KLHL6: variants seen among roughly 807,000 people sequenced by gnomAD.
KLHL6 encodes kelch like family member 6.
KLHL6 carries 41 observed loss-of-function variants against 58.6 expected under a neutral mutation model. That is an observed-to-expected ratio of 0.70 (90% CI 0.55 to 0.91). The LOEUF (loss-of-function observed/expected upper bound fraction) is 0.91, where lower values mean the gene tolerates loss of function less well. KLHL6 is among the 40% of genes least tolerant of loss of function. The pLI is 0.00. For synonymous variants in KLHL6, 338 were observed against 322.7 expected, an observed-to-expected ratio of 1.05 and a Z score of -0.51; for missense variants, 714 against 805.6, an observed-to-expected ratio of 0.89 and a Z score of 1.38.
At chr3:183,532,123 T>C (rs946497354) in intron 1 of KLHL6, among the ~76,000 whole-genome samples, 2 of 152,178 alleles carry the variant, frequency 1.3e-5, no homozygotes, top group African/African-American at 4.8e-5. Context: ...GAGATAAGAT[T>C]TTTAGGAAGT....
chr3:183,499,774 G>A lies in KLHL6; in HGVS notation c.963C>T (p.Phe321=). 4 of 1,608,574 alleles carry A rather than the reference G, an allele frequency of 2.5e-6. No individual in the cohort carries two copies. Among genetic ancestry groups the A allele is most frequent in the Non-Finnish European group, 3.4e-6 (4 of 1,177,662 alleles). ...CCTTCGTGCAGCCGCCAATGATCAT[G>A]AACACCTCAGACTGGAACTCATGCA... is the stretch of plus-strand genomic sequence containing the variant. The part of the protein sequence containing the change: ...PRMHEFQSEV[F]MIIGGCTKDE... Residue 321 remains phenylalanine, a synonymous_variant, in exon 4 of 7, where the codon TTC becomes TTT. Transcript: ENST00000341319. This position sits in a 1 kb window ranked among gnomAD's most constrained non-coding sequence, Gnocchi z 4.6.
intron 3 of KLHL6, among the ~76,000 whole-genome samples, chr3:183,501,172 A>G (rs1717856988): frequency 6.6e-6 from 1 of 152,218 alleles, no homozygotes; most frequent in Non-Finnish European, 1.5e-5. Context: ...CGGTATGGAC[A>G]GCAGAACAGT....
intron 2 of KLHL6, among the ~76,000 whole-genome samples, chr3:183,513,795 T>C (rs575941835): frequency 1.3e-5 from 2 of 152,168 alleles, no homozygotes; most frequent in African/African-American, 4.8e-5. Flanking sequence ...CATGGTTTGC[T>C]GCACCTATCA....
chr3:183,512,632 C>A (rs1718220283), intron 2 of KLHL6, among the ~76,000 whole-genome samples: 1 of 151,952 alleles, frequency 6.6e-6, no homozygotes, highest in Non-Finnish European at 1.5e-5. Flanking sequence ...GCTGGGATTA[C>A]AAACATGTGC....
At position 183,492,166 on chromosome 3, in the gene KLHL6, G is replaced by A. The variant is rs1183046489; in HGVS notation, c.1627C>T (p.Gln543Ter). The stretch of plus-strand genomic sequence containing the variant: ...CAGCTGGCCCGCTCGTGGCTGAGCT[G>A]GGTCACCAGGCACCAGCTGTCTTCC... ...PLEDSWCLVT[Q>*]LSHERASCGI... Residue 543 changes from glutamine (Q) to a stop codon, truncating the protein, a stop_gained, in exon 7 of 7, where the codon CAG becomes TAG. Transcript: ENST00000341319. LOFTEE classifies it high-confidence loss of function. The surrounding 1 kb of genome is among the most constrained non-coding windows in gnomAD (Gnocchi z 5.9). 6.2e-7 allele frequency: 1 copy of A among 1,613,094 alleles called. No homozygotes were observed. Among genetic ancestry groups the A allele is most frequent in the Non-Finnish European group, 8.5e-7 (1 of 1,179,868 alleles).
At chr3:183,544,422 A>C (rs114830765) in intron 1 of KLHL6, among the ~76,000 whole-genome samples, 1 of 152,132 alleles carries the variant, frequency 6.6e-6, no homozygotes, top group African/African-American at 2.4e-5. Context: ...AACAGTAACA[A>C]TAAAAATAAG....
chr3:183,529,627 C>T (rs1344153468), intron 1 of KLHL6, among the ~76,000 whole-genome samples: 1 of 152,006 alleles, frequency 6.6e-6, no homozygotes, highest in African/African-American at 2.4e-5. Context: ...CACTTGAGGT[C>T]AAGACCAGTC....
intron 1 of KLHL6, among the ~76,000 whole-genome samples, chr3:183,549,989 AAAAC>A (rs201038855): frequency 2.0e-5 from 3 of 152,176 alleles, no homozygotes; most frequent in African/African-American, 4.8e-5. Flanking sequence ...CAAACAGTAA[AAAAC>A]AAACAAAAAC....
intron 1 of KLHL6, among the ~76,000 whole-genome samples, chr3:183,534,466 C>T (rs563339332): frequency 3.0e-4 from 45 of 152,122 alleles, no homozygotes; most frequent in South Asian, 1.5e-3. Flanking sequence ...TGCAGCGGCA[C>T]GACCACAGCT....
chr3:183,503,939 A>G (rs960763788), intron 3 of KLHL6, among the ~76,000 whole-genome samples: 15 of 152,184 alleles, frequency 9.9e-5, no homozygotes, highest in Non-Finnish European at 2.2e-4. Context: ...CCATTCCAGC[A>G]GGGAGCAGAC....
intron 1 of KLHL6, among the ~76,000 whole-genome samples, chr3:183,542,537 C>T (rs894607456): frequency 3.3e-5 from 5 of 152,098 alleles, no homozygotes; most frequent in East Asian, 1.9e-4. Context: ...TTCAAAACTC[C>T]GTTCAGATAT....
chr3:183,529,823 C>A (rs1326166526), intron 1 of KLHL6, among the ~76,000 whole-genome samples: 1 of 151,958 alleles, frequency 6.6e-6, no homozygotes, highest in Non-Finnish European at 1.5e-5. Context: ...TCTAACCCCG[C>A]AGTGTGACTC....
At chr3:183,538,286 C>A (rs930841914) in intron 1 of KLHL6, among the ~76,000 whole-genome samples, 3 of 152,164 alleles carry the variant, frequency 2.0e-5, no homozygotes, top group African/African-American at 7.2e-5. Flanking sequence ...TTCCCTAGAA[C>A]TCCACACCTC....
chr3:183,541,332 G>A (rs1712545025), intron 1 of KLHL6, among the ~76,000 whole-genome samples: 2 of 152,214 alleles, frequency 1.3e-5, no homozygotes, highest in Admixed American at 6.5e-5. Context: ...GAAGACAGGA[G>A]CTCCTCCAGC....
intron 1 of KLHL6, among the ~76,000 whole-genome samples, chr3:183,531,313 A>G (rs1039326058): frequency 3.9e-5 from 6 of 152,096 alleles, no homozygotes; most frequent in Non-Finnish European, 8.8e-5. Flanking sequence ...TCAGTGGGCC[A>G]GAAGGGAAGA....
At chr3:183,506,934 T>A (rs1347469736) in intron 3 of KLHL6, among the ~76,000 whole-genome samples, 1 of 152,032 alleles carries the variant, frequency 6.6e-6, no homozygotes, top group African/African-American at 2.4e-5. Context: ...GGAGTAGAAG[T>A]CAGCTAGATG....
intron 2 of KLHL6, among the ~76,000 whole-genome samples, chr3:183,519,500 C>A (rs932736426): frequency 5.3e-5 from 8 of 152,198 alleles, no homozygotes; most frequent in Admixed American, 4.6e-4. Context: ...CAACCCGAAT[C>A]CTGAATTGAT....
chr3:183,492,840 G>C lies in KLHL6; in HGVS notation c.1351-133C>G, dbSNP rs1384094538. The C allele has an allele frequency of 1.4e-6, 1 of 719,188 alleles. No individual in the cohort carries two copies. Among genetic ancestry groups the C allele is most frequent in the Non-Finnish European group, 2.3e-6 (1 of 435,656 alleles). The allele number at this position is 719,188 out of a possible 1,614,324, so 44.6% of individuals were successfully genotyped here. ...TTTGCCTATAGTCACAAGGCCCATG[G>C]GCTTGACTCCTCTTAAGACACAGCA... On this transcript the variant is annotated intron_variant, in intron 5 of 6. Transcript: ENST00000341319. This position sits in a 1 kb window ranked among gnomAD's most constrained non-coding sequence, Gnocchi z 5.9.
intron 4 of KLHL6, among the ~76,000 whole-genome samples, chr3:183,498,275 A>G (rs1190680582): frequency 1.3e-5 from 2 of 152,230 alleles, no homozygotes; most frequent in Non-Finnish European, 1.5e-5. Context: ...CTACAAGATT[A>G]AAAGAAAGCT....
Sources: allele counts gnomAD v4.1 joint callset (sites outside exome capture counted in the v4.1 genomes callset), GRCh38; gene constraint gnomAD v4.1.1; non-coding constraint Gnocchi (gnomAD v3.1); transcripts MANE v1.5; gene names NCBI Gene and HGNC (gene_info 2026-07-23, HGNC 2026-07-21).